Variants in AUTS2 observed in about 807,000 individuals in gnomAD.
AUTS2 encodes autism susceptibility gene 2 protein.
In AUTS2, 17 loss-of-function variants were observed where a neutral mutation model predicts 112.4. The ratio of observed to expected loss-of-function variants is 0.15; its 90% CI spans 0.10 to 0.23. AUTS2 has a LOEUF of 0.23. AUTS2 is among the 10% of genes least tolerant of loss of function. The probability of loss-of-function intolerance (pLI) is 1.00; values close to 1 mark genes in which losing one functional copy is unlikely to be tolerated. For synonymous variants in AUTS2, 751 were observed against 702.7 expected (o/e 1.07, Z -1.09); for missense variants, 1,510 against 1,701.6 (o/e 0.89, Z 1.98).
chr7:70,120,313 C>T (rs535532063), intron 3 of AUTS2: 1 of 152,008 alleles, frequency 6.6e-6, no homozygotes, highest in Middle Eastern at 3.2e-3. Flanking sequence ...TAGATAATAA[C>T]CTCCCCTTCT....
chr7:70,196,428 G>A (rs1810177866), intron 4 of AUTS2, among the ~76,000 whole-genome samples: 2 of 152,170 alleles, frequency 1.3e-5, no homozygotes, highest in African/African-American at 4.8e-5. Context: ...TGAGTAGATG[G>A]ACTGTGAATA....
chr7:69,621,650 G>C (rs1793669006), intron 1 of AUTS2, among the ~76,000 whole-genome samples: 1 of 152,124 alleles, frequency 6.6e-6, no homozygotes, highest in Admixed American at 6.6e-5. Flanking sequence ...AACTTAATTT[G>C]TGTCACTCAT....
In AUTS2 at chr7:70,422,731, G is replaced by A. The variant is rs139055559; in HGVS notation, c.661-13021G>A. Among the ~76,000 whole-genome samples the A allele has an allele frequency of 2.0e-3, 302 of 152,158 alleles. 1 individual carries two copies. The highest frequency in any genetic ancestry group is 7.0e-3 in the African/African-American group (289 of 41,524). On this transcript the variant is annotated intron_variant, in intron 4 of 18. Coordinates refer to ENST00000342771, the MANE Select transcript of AUTS2 (RefSeq NM_015570.4). ...GCGGAAGTTGCAGTGAGCCAAGATC[G>A]CGCCACTGTGCTCCAGCCTGGGCAA... is the stretch of plus-strand genomic sequence containing the variant.
intron 1 of AUTS2, among the ~76,000 whole-genome samples, chr7:69,790,360 T>G (rs1305005081): frequency 6.6e-6 from 1 of 152,184 alleles, no homozygotes; most frequent in Non-Finnish European, 1.5e-5. Context: ...ATTGTGCTTC[T>G]GTGAATACAC....
At chr7:70,606,475 T>A (rs1803771819) in intron 5 of AUTS2, among the ~76,000 whole-genome samples, 1 of 152,208 alleles carries the variant, frequency 6.6e-6, no homozygotes, top group African/African-American at 2.4e-5. Context: ...CAGCCGGGGA[T>A]ACAGTGGTGA....
intron 5 of AUTS2, among the ~76,000 whole-genome samples, chr7:70,693,155 G>A (rs1473886309): frequency 6.6e-6 from 1 of 152,220 alleles, no homozygotes; most frequent in Non-Finnish European, 1.5e-5. Flanking sequence ...AACTCCAGAT[G>A]TTTTCAGAGG....
At chr7:69,632,582 CTCTCCCCTCTGCCT>C (rs1794302946) in intron 1 of AUTS2, among the ~76,000 whole-genome samples, 1 of 148,062 alleles carries the variant, frequency 6.8e-6, no homozygotes, top group Non-Finnish European at 1.5e-5. Flanking sequence ...CCCCTCTCCC[CTCTCCCCTCTGCCT>C]TCTCCCCTCT....
At chr7:70,382,153 T>C in intron 4 of AUTS2, among the ~76,000 whole-genome samples, 1 of 152,288 alleles carries the variant, frequency 6.6e-6, no homozygotes, top group South Asian at 2.1e-4. Flanking sequence ...TCTCTCCAAA[T>C]CATCTCCTCC....
At chr7:69,616,371 C>T (rs933204856) in intron 1 of AUTS2, among the ~76,000 whole-genome samples, 2 of 152,184 alleles carry the variant, frequency 1.3e-5, no homozygotes, top group Admixed American at 6.5e-5. Flanking sequence ...AAGTCCACCT[C>T]CCTTCTTCCT....
At chr7:69,780,317 G>A (rs867439512) in intron 1 of AUTS2, among the ~76,000 whole-genome samples, 3 of 152,258 alleles carry the variant, frequency 2.0e-5, no homozygotes, top group East Asian at 1.9e-4. Flanking sequence ...TAGAGCCTTC[G>A]TTACAATACA....
chr7:70,773,966 T>G, intron 11 of AUTS2, 62 bp from the exon 12 acceptor site: 1 of 1,479,924 alleles, frequency 6.8e-7, no homozygotes, highest in Non-Finnish European at 9.4e-7. Context: ...AAGGGAAGGA[T>G]CTTGCTTTCA....
chr7:69,838,301 T>TTGATGATGA (rs57339468), intron 1 of AUTS2, among the ~76,000 whole-genome samples: 1 of 151,696 alleles, frequency 6.6e-6, no homozygotes, highest in African/African-American at 2.4e-5. Flanking sequence ...CCTAAAGCGA[T>TTGATGATGA]TGATGATGAT....
At chr7:70,043,399 C>T (rs892984503) in intron 2 of AUTS2, among the ~76,000 whole-genome samples, 1 of 152,046 alleles carries the variant, frequency 6.6e-6, no homozygotes, top group East Asian at 1.9e-4. Context: ...GGCTGCTTCT[C>T]CTTTTACAAT....
chr7:69,874,754 G>A (rs553218495), intron 1 of AUTS2, among the ~76,000 whole-genome samples: 32 of 152,144 alleles, frequency 2.1e-4, no homozygotes, highest in African/African-American at 7.5e-4. Context: ...TGCCTCCCTG[G>A]TTCAAGAGAT....
intron 4 of AUTS2, among the ~76,000 whole-genome samples, chr7:70,212,625 AT>A (rs1194579702): frequency 6.6e-6 from 1 of 152,062 alleles, no homozygotes; most frequent in East Asian, 1.9e-4. Flanking sequence ...TTAAAAAAAA[AT>A]CTCTGGATTA....
chr7:70,006,719 C>CT (rs1259024984), intron 2 of AUTS2, among the ~76,000 whole-genome samples: 2 of 152,136 alleles, frequency 1.3e-5, no homozygotes, highest in Non-Finnish European at 2.9e-5. Context: ...CTGATACCTA[C>CT]TGTAGCCTGT....
chr7:69,800,050 T>G (rs1018661459), intron 1 of AUTS2, among the ~76,000 whole-genome samples: 2 of 152,258 alleles, frequency 1.3e-5, no homozygotes, highest in African/African-American at 4.8e-5. Context: ...AGTAACCTTA[T>G]GTATGTAAGG....
chr7:69,702,722 TG>T (rs1278648407), intron 1 of AUTS2, among the ~76,000 whole-genome samples: 1 of 152,212 alleles, frequency 6.6e-6, no homozygotes, highest in Non-Finnish European at 1.5e-5. Flanking sequence ...CTAGACTTAC[TG>T]AATCAGAATC....
intron 6 of AUTS2, among the ~76,000 whole-genome samples, chr7:70,737,281 C>A (rs1787829832): frequency 1.3e-5 from 2 of 152,182 alleles, no homozygotes; most frequent in Non-Finnish European, 2.9e-5. Flanking sequence ...GGGCATCAGC[C>A]TGCCCCTTCC....
Sources: allele counts gnomAD v4.1 joint callset (sites outside exome capture counted in the v4.1 genomes callset), GRCh38; gene constraint gnomAD v4.1.1; transcripts MANE v1.5; gene names NCBI Gene and HGNC (gene_info 2026-07-23, HGNC 2026-07-21).